HECW1: variants seen among roughly 807,000 people sequenced by gnomAD.
HECW1 encodes the protein E3 ubiquitin-protein ligase HECW1.
In HECW1, 61 loss-of-function variants were observed where a neutral mutation model predicts 182.3. The ratio of observed to expected loss-of-function variants is 0.33; its 90% CI spans 0.27 to 0.41. The LOEUF (loss-of-function observed/expected upper bound fraction) is 0.41, where lower values mean the gene tolerates loss of function less well. Among genes scored for constraint, HECW1 ranks in the 10% least tolerant of loss-of-function variants. The pLI is 1.00. For synonymous variants in HECW1, 859 were observed against 832.6 expected (o/e 1.03, Z -0.55); for missense variants, 1,739 against 2,108.9 (o/e 0.82, Z 3.44).
At chr7:43,554,881 GGAATTCTTTCCT>G in intron 29 of HECW1, 91 bp downstream of exon 29, 2 of 1,199,300 alleles carry the variant, frequency 1.7e-6, no homozygotes, top group Non-Finnish European at 2.4e-6. Flanking sequence ...CCTTTGGGAT[GGAATTCTTTCCT>G]GTCACCCAAA....
At position 43,157,682 on chromosome 7, in the gene HECW1, T is replaced by A. The variant is rs1035034947; in HGVS notation, c.-32+43291T>A. Reference sequence around the variant, plus strand: ...CTTAAGAGATCTTCCCACCTTAGCCTACTGAGTAGCTGGTACTATAGGCAC... The same window carrying A: ...CTTAAGAGATCTTCCCACCTTAGCCAACTGAGTAGCTGGTACTATAGGCAC... On this transcript the variant is annotated intron_variant, in intron 2 of 29. Transcript: ENST00000395891. Among the ~76,000 whole-genome samples, 5 of 152,326 alleles carry A rather than the reference T, an allele frequency of 3.3e-5. No individual in the cohort carries two copies. In the South Asian group the frequency reaches 6.2e-4, roughly 19 times the overall value.
At chr7:43,249,008 G>A (rs1799748485) in intron 3 of HECW1, 1 of 152,360 alleles carries the variant, frequency 6.6e-6, no homozygotes, top group Non-Finnish European at 1.5e-5. Context: ...ACTGCCCTGG[G>A]TGAGCTGAGT....
At chr7:43,442,145 T>G (rs1434676320) in intron 9 of HECW1, among the ~76,000 whole-genome samples, 1 of 152,236 alleles carries the variant, frequency 6.6e-6, no homozygotes, top group Non-Finnish European at 1.5e-5. Context: ...TTCAATAAAT[T>G]ACATGAGATA....
intron 3 of HECW1, among the ~76,000 whole-genome samples, chr7:43,290,160 G>A (rs1233259751): frequency 6.6e-6 from 1 of 152,328 alleles, no homozygotes; most frequent in East Asian, 1.9e-4. Context: ...CATTCATGTA[G>A]ATTCTCTACA....
intron 2 of HECW1, among the ~76,000 whole-genome samples, chr7:43,198,553 A>G (rs573390636): frequency 6.9e-6 from 1 of 145,882 alleles, no homozygotes; most frequent in Non-Finnish European, 1.5e-5. Flanking sequence ...ACTCTCACAC[A>G]CCCTTCACTT....
intron 6 of HECW1, among the ~76,000 whole-genome samples, chr7:43,388,183 C>A (rs776320166): frequency 6.6e-6 from 1 of 152,166 alleles, no homozygotes; most frequent in Non-Finnish European, 1.5e-5. Flanking sequence ...TGACCACCTC[C>A]GTAAATGCTC....
At chr7:43,200,244 A>G (rs1039383293) in intron 2 of HECW1, among the ~76,000 whole-genome samples, 7 of 152,210 alleles carry the variant, frequency 4.6e-5, no homozygotes, top group Non-Finnish European at 8.8e-5. Flanking sequence ...ATTTTATTAG[A>G]GGTACCTTCT....
chr7:43,172,251 G>T (rs1344908161), intron 2 of HECW1, among the ~76,000 whole-genome samples: 1 of 151,822 alleles, frequency 6.6e-6, no homozygotes, highest in Non-Finnish European at 1.5e-5. Flanking sequence ...CCGAGATTGC[G>T]CCACTGCACT....
At chr7:43,409,366 G>A (rs2075721685) in intron 8 of HECW1, among the ~76,000 whole-genome samples, 1 of 152,274 alleles carries the variant, frequency 6.6e-6, no homozygotes, top group South Asian at 2.1e-4. Flanking sequence ...GATAATAAAA[G>A]ATGTCAAAAG....
intron 2 of HECW1, among the ~76,000 whole-genome samples, chr7:43,233,368 A>C (rs1798046245): frequency 1.3e-5 from 2 of 152,220 alleles, no homozygotes; most frequent in Non-Finnish European, 1.5e-5. Flanking sequence ...AAGTCAGTGC[A>C]TGCCTATGGG....
At chr7:43,208,930 C>T (rs1795738364) in intron 2 of HECW1, among the ~76,000 whole-genome samples, 1 of 152,218 alleles carries the variant, frequency 6.6e-6, no homozygotes, top group African/African-American at 2.4e-5. Context: ...CTGTGCCTGC[C>T]TCTGGCTTCC....
At chr7:43,377,507 C>CCCTGGATTTAAGCA in intron 6 of HECW1, among the ~76,000 whole-genome samples, 1 of 151,964 alleles carries the variant, frequency 6.6e-6, no homozygotes, top group Non-Finnish European at 1.5e-5. Context: ...GTGAAAGTGT[C>CCCTGGATTTAAGCA]CCTGGATTTA....
rs779612633 is a variant in HECW1 at position 43,444,802 on chromosome 7, A to G, written c.1630A>G (p.Thr544Ala). The G allele has an allele frequency of 3.1e-6, 5 of 1,613,962 alleles. No individual in the cohort carries two copies. Among genetic ancestry groups the G allele is most frequent in the Admixed American group, 1.7e-5 (1 of 60,010 alleles). Reference protein sequence around the residue: ...PCSLPVSELETVIASACGDPE... With the variant: ...PCSLPVSELEAVIASACGDPE... ...CTCCTTGCCTGTGTCCGAGCTGGAG[A>G]CGGTGATCGCGTCAGCCTGCGGGGA... The change falls in exon 11 of 30, where the codon ACG becomes GCG. Residue 544 changes from threonine to alanine, a missense_variant. Thr to Ala is a moderately conservative substitution (Grantham distance 58). Around this residue, in one of 5 missense-constraint regions of HECW1, gnomAD observed 971 missense variants for 1,029.1 expected, o/e 0.94. Transcript: ENST00000395891. This position sits in a 1 kb window ranked among gnomAD's most constrained non-coding sequence, Gnocchi z 4.3.
chr7:43,292,254 C>A (rs1805488891), intron 3 of HECW1, among the ~76,000 whole-genome samples: 1 of 152,186 alleles, frequency 6.6e-6, no homozygotes, highest in Non-Finnish European at 1.5e-5. Flanking sequence ...TCACAACCAG[C>A]CAGGATGGTT....
At chr7:43,436,631 A>G (rs2076724218) in intron 8 of HECW1, among the ~76,000 whole-genome samples, 1 of 152,166 alleles carries the variant, frequency 6.6e-6, no homozygotes, top group South Asian at 2.1e-4. Flanking sequence ...TAATGTCATC[A>G]GTTAAGGCAG....
intron 26 of HECW1, 100 bp from the exon 27 acceptor site, chr7:43,550,345 A>G (rs2081756403): frequency 7.8e-7 from 1 of 1,279,422 alleles, no homozygotes; most frequent in Non-Finnish European, 1.1e-6. Flanking sequence ...AATGCCCTGT[A>G]GAGGATTTTT....
intron 8 of HECW1, among the ~76,000 whole-genome samples, chr7:43,434,966 AT>A (rs1486724076): frequency 1.4e-4 from 22 of 152,180 alleles, no homozygotes; most frequent in Non-Finnish European, 2.1e-4. Context: ...GGGAAAATAT[AT>A]TCTTACTTGG....
In HECW1 at chr7:43,142,554, G is replaced by T. The variant is rs886206769; in HGVS notation, c.-32+28163G>T. On this transcript the variant is annotated intron_variant, in intron 2 of 29. Transcript: ENST00000395891. ...AAAGCCAACGTCCTGCTAGGTTTCA[G>T]CTCAAAGTGACAGCAGACTGGCTTC... 9.2e-5 allele frequency among the ~76,000 whole-genome samples: 14 copies of T among 152,306 alleles called. No individual in the cohort carries two copies. The East Asian group carries it at 2.5e-3, about 27-fold the overall frequency.
At chr7:43,347,322 C>T (rs1813815998) in intron 5 of HECW1, among the ~76,000 whole-genome samples, 1 of 151,806 alleles carries the variant, frequency 6.6e-6, no homozygotes, top group African/African-American at 2.4e-5. Flanking sequence ...TGATTCTCTG[C>T]TTGGTTGCTG....
Sources: allele counts gnomAD v4.1 joint callset (sites outside exome capture counted in the v4.1 genomes callset), GRCh38; gene constraint gnomAD v4.1.1; regional missense constraint gnomAD v4.1.1; non-coding constraint Gnocchi (gnomAD v3.1); transcripts MANE v1.5; gene names NCBI Gene and HGNC (gene_info 2026-07-23, HGNC 2026-07-21).